The following TEX52 variants were observed in gnomAD, a reference collection of about 807,000 sequenced individuals.
The protein encoded by TEX52 is testis expressed 52, also known as testis-expressed protein 52.
Under a neutral mutation model 17.6 loss-of-function variants are expected in TEX52, and 22 were observed. That is an observed-to-expected ratio of 1.25 (90% CI 0.89 to 1.78). TEX52 has a LOEUF of 1.78. Among genes scored for constraint, TEX52 ranks in the 40% most tolerant of loss-of-function variants. The pLI, the probability that TEX52 is intolerant of heterozygous loss-of-function variation, is 0.00. For synonymous variants in TEX52, 168 were observed against 147.4 expected (o/e 1.14, Z -1.01); for missense variants, 396 against 372.3 (o/e 1.06, Z -0.52).
rs975434649 is a variant in TEX52 at position 2,854,921 on chromosome 12, T to A, written c.598A>T (p.Ile200Phe). 4 of 1,535,396 alleles carry A rather than the reference T, an allele frequency of 2.6e-6. No individual in the cohort carries two copies. The African/African-American group carries it at 5.5e-5, about 21-fold the overall frequency. The change falls in exon 2 of 3, where the codon ATC (isoleucine) becomes TTC (phenylalanine). Residue 200 changes from isoleucine to phenylalanine, a missense_variant. Ile to Phe is a conservative substitution (Grantham distance 21). Transcript: ENST00000637658. ...TTCTTGAAGCTCGCTGGCGGCTGGA[T>A]GTTGCCCTGGGCATCGAGTGGGGGT... is the stretch of plus-strand genomic sequence containing the variant. Reference protein sequence around the residue: ...RAPPLDAQGNIQPPASFKKYR... With the variant: ...RAPPLDAQGNFQPPASFKKYR...
At position 2,849,168 on chromosome 12, in the gene TEX52, A is replaced by G; in HGVS notation, c.*63T>C. ...CCCCAGGGCCTCTTGCTGAAGGAGC[A>G]TTGATTGAGAACACTGGAGCCTGGG... On this transcript the variant is annotated 3_prime_UTR_variant, in exon 3 of 3. Coordinates refer to ENST00000637658, the MANE Select transcript of TEX52 (RefSeq NM_001365174.2). 2 of 1,457,250 alleles carry G rather than the reference A, an allele frequency of 1.4e-6. No homozygotes were observed. The highest frequency in any genetic ancestry group is 1.4e-5 in the South Asian group (1 of 71,924). 90.3% of individuals were successfully genotyped at this position (1,457,250 alleles called of 1,614,324 possible). A position where few individuals can be genotyped will look rare whatever the true frequency, so the allele number is the denominator to read the frequency against.
At chr12:2,851,287 A>G (rs2098070065) in intron 2 of TEX52, among the ~76,000 whole-genome samples, 1 of 152,138 alleles carries the variant, frequency 6.6e-6, no homozygotes, top group Non-Finnish European at 1.5e-5. Context: ...AAGGCCTAGG[A>G]CATTACTGTA....
At chr12:2,850,631 A>G (rs899188589) in intron 2 of TEX52, among the ~76,000 whole-genome samples, 25 of 151,890 alleles carry the variant, frequency 1.6e-4, no homozygotes, top group African/African-American at 6.1e-4. Flanking sequence ...CAGTGTGCTC[A>G]CTGACTGATC....
chr12:2,855,467 GC>G (rs1261709244), intron 1 of TEX52, 21 bp from the exon 2 acceptor site: 1 of 1,406,300 alleles, frequency 7.1e-7, no homozygotes, highest in Non-Finnish European at 9.3e-7. Context: ...ACAAAAGGGA[GC>G]CTGGGGAAGG....
chr12:2,853,685 G>GA (rs2098078524), intron 2 of TEX52, among the ~76,000 whole-genome samples: 1 of 152,034 alleles, frequency 6.6e-6, no homozygotes, highest in Non-Finnish European at 1.5e-5. Flanking sequence ...CTTGGGATTG[G>GA]AATTTGAGAC....
intron 2 of TEX52, among the ~76,000 whole-genome samples, chr12:2,849,921 G>A (rs945626241): frequency 5.9e-5 from 9 of 152,160 alleles, no homozygotes; most frequent in African/African-American, 1.2e-4. Context: ...GTAAGCCTGC[G>A]GTATTGGGTC....
intron 1 of TEX52, 76 bp from the exon 2 acceptor site, chr12:2,855,522 C>T: frequency 2.6e-6 from 3 of 1,175,716 alleles, no homozygotes; most frequent in Non-Finnish European, 3.4e-6. Flanking sequence ...GCACTCCGCT[C>T]TCCTTCCCAG....
At chr12:2,855,670 C>T (rs1279232391) in intron 1 of TEX52, among the ~76,000 whole-genome samples, 1 of 152,150 alleles carries the variant, frequency 6.6e-6, no homozygotes, top group Non-Finnish European at 1.5e-5. Context: ...TGATCTCTTG[C>T]CATTGACCAT....
Position 2,854,922 on chromosome 12 carries a change from G to A in TEX52, c.597C>T (p.Asn199=). 1 of 1,535,634 alleles carries A rather than the reference G, an allele frequency of 6.5e-7. No individual in the cohort carries two copies. The highest frequency in any genetic ancestry group is 8.7e-7 in the Non-Finnish European group (1 of 1,146,556). The change falls in exon 2 of 3, where the codon AAC becomes AAT. Residue 199 remains asparagine (N), a synonymous_variant. Coordinates refer to ENST00000637658, the MANE Select transcript of TEX52 (RefSeq NM_001365174.2). ...ARAPPLDAQG[N]IQPPASFKKY... is the part of the protein sequence containing the mutation. ...TCTTGAAGCTCGCTGGCGGCTGGAT[G>A]TTGCCCTGGGCATCGAGTGGGGGTG... is the stretch of plus-strand genomic sequence containing the variant.
intron 2 of TEX52, among the ~76,000 whole-genome samples, chr12:2,850,860 T>TG (rs1256988065): frequency 6.6e-5 from 10 of 151,816 alleles, no homozygotes; most frequent in African/African-American, 2.4e-4. Context: ...TTAGTAGAGA[T>TG]GGGGTTTCCC....
intron 2 of TEX52, among the ~76,000 whole-genome samples, chr12:2,854,140 C>G (rs1271392920): frequency 1.3e-5 from 2 of 152,246 alleles, no homozygotes; most frequent in Admixed American, 6.5e-5. Context: ...ATTCTCCTGC[C>G]TCAGTCTCCT....
chr12:2,857,013 C>G lies in TEX52; in HGVS notation c.14G>C (p.Arg5Pro), dbSNP rs114953382. Residue 5 changes from arginine to proline, a missense_variant, in exon 1 of 3, where the codon CGG becomes CCG. Coordinates refer to ENST00000637658, the MANE Select transcript of TEX52 (RefSeq NM_001365174.2). ...ACTGGGCCCTCTGAGTGATCTTTGC[C>G]GGTTACTGGCCATTCTTCTGGGCCT... MASN[R>P]QRSLRGPSHP... The G allele has an allele frequency of 2.6e-5, 18 of 702,936 alleles. No individual in the cohort carries two copies. Among genetic ancestry groups the G allele is most frequent in the South Asian group, 2.2e-4 (15 of 67,598 alleles). 43.5% of individuals were successfully genotyped at this position (702,936 alleles called of 1,614,324 possible).
In TEX52 at chr12:2,856,964, A is replaced by T. The variant is rs1484617572; in HGVS notation, c.63T>A (p.Pro21=). Residue 21 remains proline, a synonymous_variant, in exon 1 of 3, where the codon CCT becomes CCA. Transcript: ENST00000637658. ...ATGGGCCACCCCCTACCTGCAGGAA[A>T]GGTTCTTCCATATGAGATGGGTGAC... is the stretch of plus-strand genomic sequence containing the variant. The part of the protein sequence containing the change: ...GPSHPSHMEE[P]FLQMVQASES... The T allele has an allele frequency of 1.4e-6, 1 of 703,014 alleles. No homozygotes were observed. The allele number at this position is 703,014 out of a possible 1,614,324, so 43.5% of individuals were successfully genotyped here. A position where few individuals can be genotyped will look rare whatever the true frequency, so the allele number is the denominator to read the frequency against.
At chr12:2,853,433 C>A (rs1304531164) in intron 2 of TEX52, among the ~76,000 whole-genome samples, 1 of 152,072 alleles carries the variant, frequency 6.6e-6, no homozygotes, top group African/African-American at 2.4e-5. Context: ...CCACCACGCC[C>A]AGCTAATTTT....
chr12:2,850,396 C>T (rs1398417348), intron 2 of TEX52, among the ~76,000 whole-genome samples: 1 of 150,590 alleles, frequency 6.6e-6, no homozygotes, highest in Non-Finnish European at 1.5e-5. Flanking sequence ...ATCACTTGAA[C>T]CCGGGAGGAG....
At chr12:2,854,062 G>A (rs561655042) in intron 2 of TEX52, among the ~76,000 whole-genome samples, 1 of 152,090 alleles carries the variant, frequency 6.6e-6, no homozygotes, top group Non-Finnish European at 1.5e-5. Context: ...TTTCTCTCTT[G>A]TTGCCCCGGC....
In TEX52 at chr12:2,854,911, G is replaced by T; in HGVS notation, c.608C>A (p.Pro203Gln). 6.5e-7 allele frequency: 1 copy of T among 1,534,674 alleles called. No individual in the cohort carries two copies. Among genetic ancestry groups the T allele is most frequent in the South Asian group, 1.2e-5 (1 of 83,918 alleles). ...PLDAQGNIQP[P>Q]ASFKKYRHIS... is the part of the protein sequence containing the mutation. ...ACCGTCTTACTTCTTGAAGCTCGCT[G>T]GCGGCTGGATGTTGCCCTGGGCATC... is the stretch of plus-strand genomic sequence containing the variant. The change falls in exon 2 of 3, where the codon CCA becomes CAA. Residue 203 changes from proline to glutamine, a missense_variant. By Grantham distance (76) the Pro-to-Gln change is moderately conservative (BLOSUM62 -1). Coordinates refer to ENST00000637658, the MANE Select transcript of TEX52 (RefSeq NM_001365174.2).
intron 1 of TEX52, 139 bp downstream of exon 1, chr12:2,856,816 G>T: frequency 1.6e-6 from 1 of 637,492 alleles, no homozygotes; most frequent in South Asian, 1.8e-5. Context: ...TAGTGTCATA[G>T]GATGAAAAGG....
chr12:2,856,826 G>A, intron 1 of TEX52, 129 bp downstream of exon 1: 2 of 651,526 alleles, frequency 3.1e-6, no homozygotes, highest in Non-Finnish European at 5.6e-6. Context: ...GGATGAAAAG[G>A]GGAAGACAGC....
Sources: allele counts gnomAD v4.1 joint callset (sites outside exome capture counted in the v4.1 genomes callset), GRCh38; gene constraint gnomAD v4.1.1; transcripts MANE v1.5; gene names NCBI Gene and HGNC (gene_info 2026-07-23, HGNC 2026-07-21).